MGST2: variants seen among roughly 807,000 people sequenced by gnomAD.
MGST2 encodes the protein glutathione peroxidase MGST2.
Under a neutral mutation model 16.6 loss-of-function variants are expected in MGST2, and 9 were observed. The ratio of observed to expected loss-of-function variants is 0.54; its 90% CI spans 0.33 to 0.95. The LOEUF (loss-of-function observed/expected upper bound fraction) is 0.95. MGST2 is among the 40% of genes least tolerant of loss of function. The pLI is 0.03. For synonymous variants in MGST2, 79 were observed against 68.0 expected, an observed-to-expected ratio of 1.16 and a Z score of -0.79; for missense variants, 159 against 175.1, an observed-to-expected ratio of 0.91 and a Z score of 0.52.
chr4:139,667,908 A>G (rs1730456897), intron 1 of MGST2, among the ~76,000 whole-genome samples: 1 of 152,190 alleles, frequency 6.6e-6, no homozygotes, highest in African/African-American at 2.4e-5. Context: ...AAATAATTGA[A>G]AAGCTGTATT....
At chr4:139,729,486 A>C (rs1023638927) in intron 5 of MGST2, among the ~76,000 whole-genome samples, 7 of 152,066 alleles carry the variant, frequency 4.6e-5, no homozygotes, top group African/African-American at 1.7e-4. Flanking sequence ...TAAAATTCTG[A>C]CCCTATCAGG....
intron 2 of MGST2, chr4:139,685,480 T>C (rs1004236173): frequency 6.6e-6 from 1 of 152,344 alleles, no homozygotes; most frequent in African/African-American, 2.4e-5. Context: ...ATTACTCATA[T>C]CTATTTTTTT....
intron 5 of MGST2, chr4:139,730,367 A>G (rs777860854): frequency 3.2e-5 from 49 of 1,515,842 alleles, no homozygotes; most frequent in Non-Finnish European, 8.0e-6. Flanking sequence ...CAGGTGCTGA[A>G]TAAGTGCTTG....
chr4:139,691,643 A>C (rs1726585631), intron 2 of MGST2, among the ~76,000 whole-genome samples: 1 of 150,204 alleles, frequency 6.7e-6, no homozygotes, highest in Non-Finnish European at 1.5e-5. Flanking sequence ...GTCAGCAACA[A>C]ACAGGGCACC....
intron 5 of MGST2, chr4:139,730,242 A>G: frequency 1.6e-6 from 1 of 634,860 alleles, no homozygotes; most frequent in Non-Finnish European, 2.7e-6. Context: ...TATAGGAAAA[A>G]CCCTAACTAA....
chr4:139,721,968 T>C (rs1237838060), intron 5 of MGST2, among the ~76,000 whole-genome samples: 1 of 152,194 alleles, frequency 6.6e-6, no homozygotes, highest in Non-Finnish European at 1.5e-5. Flanking sequence ...AAAAAAAGTT[T>C]AAGGGAAAAA....
At chr4:139,687,047 C>A (rs921375014) in intron 2 of MGST2, among the ~76,000 whole-genome samples, 38 of 152,286 alleles carry the variant, frequency 2.5e-4, no homozygotes, top group African/African-American at 8.9e-4. Flanking sequence ...AACTGAACAC[C>A]ATTTCCAAGT....
rs750127770 is a variant in MGST2, at chr4:139,695,237, T to C, written c.199T>C (p.Leu67=). 1.7e-5 allele frequency: 27 copies of C among 1,613,320 alleles called. No individual in the cohort carries two copies. Among genetic ancestry groups the C allele is most frequent in the Admixed American group, 5.0e-5 (3 of 60,000 alleles). The change falls in exon 3 of 5, where the codon TTG becomes CTG. Residue 67 remains leucine (L), a synonymous_variant. Coordinates refer to ENST00000265498, the MANE Select transcript of MGST2 (RefSeq NM_002413.5). ...VEFYPIFIIT[L]WMAGWYFNQV... ...GTTTTATCCTATATTCATAATTACA[T>C]TGTGGATGGCTGGGTGGTATTTCAA... is the stretch of plus-strand genomic sequence containing the variant.
downstream of MGST2, among the ~76,000 whole-genome samples, chr4:139,705,208 C>T (rs569623903): frequency 6.6e-6 from 1 of 152,278 alleles, no homozygotes; most frequent in African/African-American, 2.4e-5. Flanking sequence ...TGCAAGTCAA[C>T]TCACAGGAAG....
In MGST2 at chr4:139,666,017, A is replaced by T. The variant is rs770975421; in HGVS notation, c.-3A>T. On this transcript the variant is annotated 5_prime_UTR_variant, in exon 1 of 5. Transcript: ENST00000265498. The stretch of plus-strand genomic sequence containing the variant: ...GCGCTCTACAAATAGTTCCGTGAGA[A>T]AGATGGCCGGGAACTCGATCCTGCT... The T allele has an allele frequency of 6.2e-7, 1 of 1,614,112 alleles. No homozygotes were observed. Among genetic ancestry groups the T allele is most frequent in the Non-Finnish European group, 8.5e-7 (1 of 1,180,008 alleles).
chr4:139,746,610 C>CG, the MGST2 span, among the ~76,000 whole-genome samples: 1 of 152,160 alleles, frequency 6.6e-6, no homozygotes, highest in Non-Finnish European at 1.5e-5. Context: ...TCTCGCTCTG[C>CG]GGGCCCCTCG....
At chr4:139,746,922 G>A in the MGST2 span, among the ~76,000 whole-genome samples, 1 of 152,162 alleles carries the variant, frequency 6.6e-6, no homozygotes, top group Non-Finnish European at 1.5e-5. Context: ...CTGCTGTCCT[G>A]GACTAGGCCA....
chr4:139,743,302 A>C (rs892499482), downstream of MGST2, among the ~76,000 whole-genome samples: 1 of 152,192 alleles, frequency 6.6e-6, no homozygotes, highest in Non-Finnish European at 1.5e-5. Flanking sequence ...GGGAGATCTA[A>C]CCTGCTGTTC....
In MGST2 at chr4:139,684,126, A is replaced by G. The variant is rs183514423; in HGVS notation, c.158+5484A>G. On this transcript the variant is annotated intron_variant, in intron 2 of 4. Coordinates refer to ENST00000265498, the MANE Select transcript of MGST2 (RefSeq NM_002413.5). ...TTTTTAATGGAGACAGGGTTTCACCATGTTGACTGGGCTGGTCTTGAATGC... is the reference window on the plus strand; with the variant it reads ...TTTTTAATGGAGACAGGGTTTCACCGTGTTGACTGGGCTGGTCTTGAATGC... Among the ~76,000 whole-genome samples the G allele has an allele frequency of 2.0e-5, 3 of 152,182 alleles. No homozygotes were observed. In the East Asian group the frequency reaches 5.8e-4, roughly 29 times the overall value.
chr4:139,703,039 C>CCT (rs1727359164), intron 3 of MGST2, among the ~76,000 whole-genome samples: 6 of 151,584 alleles, frequency 4.0e-5, no homozygotes, highest in Admixed American at 3.9e-4. Context: ...GATTCTCCTG[C>CCT]CTCAGCTTCC....
At chr4:139,711,594 G>A (rs1174977822) in intron 5 of MGST2, among the ~76,000 whole-genome samples, 3 of 152,106 alleles carry the variant, frequency 2.0e-5, no homozygotes, top group Non-Finnish European at 4.4e-5. Flanking sequence ...GGTCACTCTC[G>A]TCGCCATTTT....
downstream of MGST2, among the ~76,000 whole-genome samples, chr4:139,707,123 C>T (rs994291883): frequency 3.3e-5 from 5 of 151,898 alleles, no homozygotes; most frequent in African/African-American, 9.7e-5. Context: ...CATATGTATA[C>T]ATGTGCCATG....
rs70943436 is a variant in MGST2, at chr4:139,702,844, G to GTTTTTTT, written c.230-591_230-585dup. Among the ~76,000 whole-genome samples, 92 of 46,448 alleles carry GTTTTTTT rather than the reference G, an allele frequency of 2.0e-3. 6 individuals carry two copies. The highest frequency in any genetic ancestry group is 0.013 in the South Asian group (9 of 690). The allele number at this position is 46,448 out of a possible 152,430, so 30.5% of individuals were successfully genotyped here. On this transcript the variant is annotated intron_variant, in intron 3 of 4. Transcript: ENST00000265498. ...TCCTCACCAACATTTTGTGTTACTG[G>GTTTTTTT]TTTTTTTTTTTTTTTTTTTTTTTTT... is the stretch of plus-strand genomic sequence containing the variant.
chr4:139,741,212 TCTC>T (rs1462414276), downstream of MGST2, among the ~76,000 whole-genome samples: 2 of 152,008 alleles, frequency 1.3e-5, no homozygotes, highest in East Asian at 3.9e-4. Context: ...GATTGGTACT[TCTC>T]CTTATGTAAA....
Sources: allele counts gnomAD v4.1 joint callset (sites outside exome capture counted in the v4.1 genomes callset), GRCh38; gene constraint gnomAD v4.1.1; transcripts MANE v1.5; gene names NCBI Gene and HGNC (gene_info 2026-07-23, HGNC 2026-07-21).